Variants in ZRANB3 observed in about 807,000 individuals in gnomAD.
The protein encoded by ZRANB3 is DNA annealing helicase and endonuclease ZRANB3.
A neutral mutation model predicts 133.8 loss-of-function variants in ZRANB3; 125 were observed. The ratio of observed to expected loss-of-function variants is 0.93; its 90% CI spans 0.81 to 1.08. The LOEUF is 1.08. ZRANB3 is among the 50% of genes least tolerant of loss of function. The pLI, the probability that ZRANB3 is intolerant of heterozygous loss-of-function variation, is 0.00. For synonymous variants in ZRANB3, 387 were observed against 432.7 expected (o/e 0.89, Z 1.31); for missense variants, 1,229 against 1,275.5 (o/e 0.96, Z 0.56).
intron 2 of ZRANB3, among the ~76,000 whole-genome samples, chr2:135,478,432 C>G (rs1691602515): frequency 6.6e-6 from 1 of 152,148 alleles, no homozygotes. Flanking sequence ...ACACCGCCAC[C>G]TCCACTGAAT....
intron 2 of ZRANB3, among the ~76,000 whole-genome samples, chr2:135,414,763 C>T (rs1285199678): frequency 6.6e-6 from 1 of 152,122 alleles, no homozygotes; most frequent in Non-Finnish European, 1.5e-5. Flanking sequence ...TCTCTCAGAC[C>T]ACAGTGCAAT....
In ZRANB3 at chr2:135,265,515, G is replaced by C. The variant is rs201804119; in HGVS notation, c.1539+19C>G. ...AGGATACTAAAAAAAATAGAAAAGA[G>C]TAAGGCATATAATCTTACGTGAGTG... On this transcript the variant is annotated intron_variant, in intron 12 of 20. Coordinates refer to ENST00000264159, the MANE Select transcript of ZRANB3 (RefSeq NM_032143.4). 1 of 1,587,408 alleles carries C rather than the reference G, an allele frequency of 6.3e-7. No homozygotes were observed. The highest frequency in any genetic ancestry group is 1.4e-5 in the African/African-American group (1 of 73,700).
In ZRANB3 at chr2:135,315,522, C is replaced by T. The variant is rs1683208713; in HGVS notation, c.686G>A (p.Gly229Asp). The part of the protein sequence containing the change: ...RYCNAHIRYF[G>D]KRPQWDCRGA... Reference sequence around the variant, plus strand: ...TCTACAATCCCACTGAGGTCTTTTACCAAAATATCTGTTAAAATGAAGACA... The same window carrying T: ...TCTACAATCCCACTGAGGTCTTTTATCAAAATATCTGTTAAAATGAAGACA... Residue 229 changes from glycine to aspartate, a missense_variant, in exon 7 of 21, where the codon GGT (glycine) becomes GAT (aspartate). Physicochemically the swap from Gly to Asp is moderately conservative, Grantham distance 94. Transcript: ENST00000264159. The T allele has an allele frequency of 1.3e-6, 2 of 1,513,274 alleles. No individual in the cohort carries two copies. Among genetic ancestry groups the T allele is most frequent in the Non-Finnish European group, 1.8e-6 (2 of 1,135,848 alleles). 93.7% of individuals were successfully genotyped at this position (1,513,274 alleles called of 1,614,324 possible).
At chr2:135,218,384 A>G (rs2105052223) in intron 16 of ZRANB3, among the ~76,000 whole-genome samples, 1 of 152,294 alleles carries the variant, frequency 6.6e-6, no homozygotes, top group East Asian at 1.9e-4. Flanking sequence ...AGTCAAGTAT[A>G]CACAACTGGC....
chr2:135,387,772 T>C (rs1214243311), intron 3 of ZRANB3, among the ~76,000 whole-genome samples: 1 of 152,172 alleles, frequency 6.6e-6, no homozygotes, highest in Admixed American at 6.5e-5. Context: ...AAACGGATTT[T>C]GCAATGTATT....
At chr2:135,373,934 A>T (rs1484901985) in intron 3 of ZRANB3, among the ~76,000 whole-genome samples, 3 of 152,034 alleles carry the variant, frequency 2.0e-5, no homozygotes, top group Non-Finnish European at 4.4e-5. Flanking sequence ...TTACATAAGC[A>T]ATCCAATGGC....
intron 3 of ZRANB3, among the ~76,000 whole-genome samples, chr2:135,354,344 T>C (rs939963441): frequency 6.6e-6 from 1 of 152,232 alleles, no homozygotes; most frequent in Non-Finnish European, 1.5e-5. Context: ...AGTTAAATTA[T>C]TTAAATCACA....
intron 3 of ZRANB3, among the ~76,000 whole-genome samples, chr2:135,389,267 C>A (rs1687115986): frequency 6.6e-6 from 1 of 152,136 alleles, no homozygotes; most frequent in Admixed American, 6.6e-5. Flanking sequence ...TAAATAAACA[C>A]CTATTGAATG....
intron 2 of ZRANB3, among the ~76,000 whole-genome samples, chr2:135,409,724 C>T (rs1688218179): frequency 6.6e-6 from 1 of 152,180 alleles, no homozygotes; most frequent in Admixed American, 6.5e-5. Flanking sequence ...ACCTTGAAAA[C>T]CCTAAAGATC....
chr2:135,428,659 C>CA (rs928760088), intron 2 of ZRANB3, among the ~76,000 whole-genome samples: 2 of 151,910 alleles, frequency 1.3e-5, no homozygotes, highest in African/African-American at 4.8e-5. Context: ...AGTTAACAAG[C>CA]AAAAAACAAA....
chr2:135,276,614 G>A (rs1421725855), intron 8 of ZRANB3, among the ~76,000 whole-genome samples: 3 of 152,156 alleles, frequency 2.0e-5, no homozygotes, highest in Non-Finnish European at 4.4e-5. Context: ...TGTAGAAATT[G>A]TGGAAAAAGA....
At chr2:135,309,369 A>G (rs561653129) in intron 8 of ZRANB3, among the ~76,000 whole-genome samples, 1 of 152,300 alleles carries the variant, frequency 6.6e-6, no homozygotes, top group East Asian at 1.9e-4. Flanking sequence ...TATCATTTCT[A>G]TCCAAAATTG....
rs142414618 is a variant in ZRANB3 at position 135,394,320 on chromosome 2, T to A, written c.162-3500A>T. 3.9e-5 allele frequency among the ~76,000 whole-genome samples: 6 copies of A among 152,240 alleles called. No homozygotes were observed. In the East Asian group the frequency reaches 9.7e-4, roughly 25 times the overall value. The stretch of plus-strand genomic sequence containing the variant: ...ACCAAACAATAAAAACACCTTAACA[T>A]AGATTCAAGATAGGAAAAAAGGAAA... On this transcript the variant is annotated intron_variant, in intron 2 of 20. Transcript: ENST00000264159.
At chr2:135,407,874 G>T (rs1192488386) in intron 2 of ZRANB3, among the ~76,000 whole-genome samples, 2 of 137,660 alleles carry the variant, frequency 1.5e-5, no homozygotes, top group Admixed American at 7.1e-5. Flanking sequence ...AAAAACCCTA[G>T]AAGAAAACCT....
chr2:135,234,911 C>T (rs6735326), intron 12 of ZRANB3, among the ~76,000 whole-genome samples: 36,643 of 151,788 alleles, frequency 0.24, 6,886 homozygotes, highest in African/African-American at 0.51. Context: ...ATTCAAAAGC[C>T]AGCAGAAGGC....
chr2:135,268,158 C>T (rs904926575), intron 11 of ZRANB3, among the ~76,000 whole-genome samples: 1 of 149,520 alleles, frequency 6.7e-6, no homozygotes. Flanking sequence ...TAATCTAACC[C>T]TTTTTTTTTT....
At chr2:135,353,725 GTGTGA>G in intron 3 of ZRANB3, 97 bp from the exon 4 acceptor site, 1 of 854,696 alleles carries the variant, frequency 1.2e-6, no homozygotes, top group Non-Finnish European at 1.6e-6. Context: ...TATTAGCTGG[GTGTGA>G]TGGCTCATGA....
chr2:135,287,900 CT>C (rs1411243086), intron 8 of ZRANB3, among the ~76,000 whole-genome samples: 2 of 152,008 alleles, frequency 1.3e-5, no homozygotes, highest in Non-Finnish European at 2.9e-5. Context: ...TTGACTTTCT[CT>C]TTGCTGACAT....
At chr2:135,394,842 G>A (rs769818497) in intron 2 of ZRANB3, among the ~76,000 whole-genome samples, 1 of 151,428 alleles carries the variant, frequency 6.6e-6, no homozygotes, top group African/African-American at 2.4e-5. Context: ...ACTAAGCTGG[G>A]TGTAGTGGCT....
Sources: allele counts gnomAD v4.1 joint callset (sites outside exome capture counted in the v4.1 genomes callset), GRCh38; gene constraint gnomAD v4.1.1; transcripts MANE v1.5; gene names NCBI Gene and HGNC (gene_info 2026-07-23, HGNC 2026-07-21).